CDK19: variants seen among roughly 807,000 people sequenced by gnomAD.
The protein encoded by CDK19 is cyclin-dependent kinase 19.
A neutral mutation model predicts 68.3 loss-of-function variants in CDK19; 20 were observed. The observed-to-expected ratio is 0.29, with a 90% CI of 0.21 to 0.43. CDK19 has a LOEUF of 0.43. Ranked by LOEUF, CDK19 falls within the 20% of genes least tolerant of loss-of-function variation. The pLI, the probability that CDK19 is intolerant of heterozygous loss-of-function variation, is 1.00. For missense variants in CDK19, 339 were observed against 623.5 expected, an observed-to-expected ratio of 0.54 and a Z score of 4.86; for synonymous variants, 221 against 222.8, an observed-to-expected ratio of 0.99 and a Z score of 0.07.
At chr6:110,773,781 T>A (rs1325779246) in intron 1 of CDK19, 1 of 152,164 alleles carries the variant, frequency 6.6e-6, no homozygotes, top group African/African-American at 2.4e-5. Flanking sequence ...CATTATAAAT[T>A]ACTTAGTGAT....
intron 2 of CDK19, among the ~76,000 whole-genome samples, chr6:110,680,511 C>A (rs1771913433): frequency 6.6e-6 from 1 of 151,864 alleles, no homozygotes; most frequent in South Asian, 2.1e-4. Context: ...CTGAAAAAAA[C>A]AAAGAAGTTA....
At chr6:110,740,693 TC>T (rs1348852518) in intron 2 of CDK19, among the ~76,000 whole-genome samples, 3 of 152,216 alleles carry the variant, frequency 2.0e-5, no homozygotes, top group Admixed American at 6.5e-5. Context: ...AGTGAAATGT[TC>T]ATTCCTAATT....
At chr6:110,650,969 G>C (rs1780924466) in intron 4 of CDK19, among the ~76,000 whole-genome samples, 2 of 152,138 alleles carry the variant, frequency 1.3e-5, no homozygotes, top group African/African-American at 4.8e-5. Flanking sequence ...GCAAGGTCAA[G>C]GTCATGGTGT....
chr6:110,651,568 T>A (rs1224464147), intron 4 of CDK19, among the ~76,000 whole-genome samples: 2 of 151,916 alleles, frequency 1.3e-5, no homozygotes, highest in Admixed American at 1.3e-4. Flanking sequence ...ACCCCATCTC[T>A]AAAAAAAATA....
At chr6:110,669,860 T>A in intron 3 of CDK19, among the ~76,000 whole-genome samples, 1 of 152,176 alleles carries the variant, frequency 6.6e-6, no homozygotes, top group South Asian at 2.1e-4. Flanking sequence ...ATTACTTGCA[T>A]AAAAGTATAG....
At chr6:110,665,852 C>A (rs1049627875) in intron 4 of CDK19, among the ~76,000 whole-genome samples, 1 of 152,090 alleles carries the variant, frequency 6.6e-6, no homozygotes, top group Non-Finnish European at 1.5e-5. Flanking sequence ...TCAAGCCATC[C>A]TCCCACCTCA....
intron 1 of CDK19, among the ~76,000 whole-genome samples, chr6:110,765,966 C>G (rs1048439589): frequency 1.1e-4 from 16 of 151,944 alleles, no homozygotes; most frequent in Admixed American, 1.0e-3. Flanking sequence ...GGCAAGGAGG[C>G]AGAGAAAGGG....
chr6:110,707,922 A>C (rs1774644374), intron 2 of CDK19, among the ~76,000 whole-genome samples: 1 of 152,208 alleles, frequency 6.6e-6, no homozygotes, highest in Admixed American at 6.5e-5. Flanking sequence ...CAGTGAGACG[A>C]GATCATGCCA....
intron 1 of CDK19, among the ~76,000 whole-genome samples, chr6:110,800,783 C>T (rs925176979): frequency 2.0e-4 from 30 of 152,202 alleles, no homozygotes; most frequent in Admixed American, 1.4e-3. Context: ...ACAAACAAGG[C>T]ACTGAAGGAA....
intron 2 of CDK19, among the ~76,000 whole-genome samples, chr6:110,740,591 C>T (rs1777583054): frequency 6.6e-6 from 1 of 152,104 alleles, no homozygotes; most frequent in South Asian, 2.1e-4. Flanking sequence ...AAGTTTATTC[C>T]ATGATTACAA....
intron 1 of CDK19, among the ~76,000 whole-genome samples, chr6:110,799,144 T>TAAAAA (rs369106433): frequency 8.3e-4 from 41 of 49,132 alleles, no homozygotes; most frequent in African/African-American, 3.3e-3. Context: ...ACCCTGTATT[T>TAAAAA]AAAAAAAAAA....
intron 1 of CDK19, among the ~76,000 whole-genome samples, chr6:110,806,803 A>G (rs1207999968): frequency 6.7e-6 from 1 of 150,054 alleles, no homozygotes; most frequent in East Asian, 2.0e-4. Flanking sequence ...CATGGTGAAC[A>G]CTGTCTCTAC....
chr6:110,769,502 T>C (rs1779843982), intron 1 of CDK19, among the ~76,000 whole-genome samples: 1 of 150,972 alleles, frequency 6.6e-6, no homozygotes, highest in South Asian at 2.1e-4. Context: ...GAGCTGGAGG[T>C]TGCAATGAGC....
intron 2 of CDK19, among the ~76,000 whole-genome samples, chr6:110,713,719 T>A (rs1367820915): frequency 4.6e-5 from 7 of 152,096 alleles, no homozygotes; most frequent in African/African-American, 1.7e-4. Context: ...TTTGGTAATA[T>A]TTTACTAAGA....
chr6:110,790,175 C>T (rs1041570870), intron 1 of CDK19, among the ~76,000 whole-genome samples: 4 of 152,168 alleles, frequency 2.6e-5, no homozygotes, highest in South Asian at 2.1e-4. Context: ...TAGCTCTAAA[C>T]GCTTATGTTG....
chr6:110,779,617 A>G (rs1024049682), intron 1 of CDK19, among the ~76,000 whole-genome samples: 7 of 152,324 alleles, frequency 4.6e-5, no homozygotes, highest in Admixed American at 2.0e-4. Context: ...GTCATTCTTA[A>G]GTACTTCAAA....
intron 8 of CDK19, among the ~76,000 whole-genome samples, chr6:110,623,829 CACATATATAT>C (rs1778890260): frequency 3.4e-5 from 5 of 146,210 alleles, no homozygotes; most frequent in African/African-American, 5.0e-5. Flanking sequence ...CATACATATA[CACATATATAT>C]ACACATATAT....
intron 1 of CDK19, among the ~76,000 whole-genome samples, chr6:110,810,277 A>G (rs1203028813): frequency 6.6e-6 from 1 of 152,228 alleles, no homozygotes; most frequent in Non-Finnish European, 1.5e-5. Context: ...GAGAAGAGAA[A>G]GAGATGAGAT....
chr6:110,736,700 T>C (rs1348393668), intron 2 of CDK19, among the ~76,000 whole-genome samples: 1 of 152,204 alleles, frequency 6.6e-6, no homozygotes, highest in Non-Finnish European at 1.5e-5. Context: ...GCTATTTTCT[T>C]TGCTTAGAGT....
Sources: gnomAD v4.1 joint callset for allele counts (sites outside exome capture counted in the v4.1 genomes callset) on GRCh38, gnomAD v4.1.1 for gene constraint, MANE v1.5 for transcripts, NCBI Gene and HGNC (gene_info 2026-07-23, HGNC 2026-07-21) for gene names.